The following ANXA8 variants were observed in gnomAD, a reference collection of about 807,000 sequenced individuals.
ANXA8 encodes annexin A8.
A neutral mutation model predicts 26.8 loss-of-function variants in ANXA8; 9 were observed. That is an observed-to-expected ratio of 0.34 (90% CI 0.20 to 0.59). The LOEUF is 0.59. Ranked by LOEUF, ANXA8 falls within the 20% of genes least tolerant of loss-of-function variation. The pLI is 0.84. For synonymous variants in ANXA8, 39 were observed against 94.8 expected, an observed-to-expected ratio of 0.41 and a Z score of 3.42; for missense variants, 83 against 238.5, an observed-to-expected ratio of 0.35 and a Z score of 4.29.
At chr10:47,552,629 C>G in the ANXA8 span, among the ~76,000 whole-genome samples, 1 of 151,918 alleles carries the variant, frequency 6.6e-6, no homozygotes, top group African/African-American at 2.4e-5. Flanking sequence ...TTACAGAGAC[C>G]CTTCCAGTGA....
At chr10:47,559,084 C>T in the ANXA8 span, among the ~76,000 whole-genome samples, 3 of 149,950 alleles carry the variant, frequency 2.0e-5, no homozygotes, top group Non-Finnish European at 4.4e-5. Context: ...TCACATTCTC[C>T]AGTTGTGCTA....
At chr10:47,957,670 T>G in the ANXA8 span, among the ~76,000 whole-genome samples, 2 of 148,984 alleles carry the variant, frequency 1.3e-5, no homozygotes, top group African/African-American at 5.1e-5. Context: ...AAGTCAGAAG[T>G]CCGAAATCAC....
At chr10:47,772,653 T>C in the ANXA8 span, among the ~76,000 whole-genome samples, 1 of 151,844 alleles carries the variant, frequency 6.6e-6, no homozygotes, top group Non-Finnish European at 1.5e-5. Context: ...CAACTAGAAA[T>C]CGGTCAACCC....
At chr10:47,576,833 T>A in the ANXA8 span, among the ~76,000 whole-genome samples, 1 of 149,392 alleles carries the variant, frequency 6.7e-6, no homozygotes, top group Non-Finnish European at 1.5e-5. Flanking sequence ...GAGATTTTTT[T>A]AAGAAATAGT....
the ANXA8 span, among the ~76,000 whole-genome samples, chr10:47,744,604 A>G: frequency 6.6e-6 from 1 of 151,768 alleles, no homozygotes; most frequent in Non-Finnish European, 1.5e-5. Flanking sequence ...AAATAATTCC[A>G]TACTAAATAT....
chr10:47,944,579 T>C, the ANXA8 span, among the ~76,000 whole-genome samples: 1 of 150,656 alleles, frequency 6.6e-6, no homozygotes, highest in Non-Finnish European at 1.5e-5. Context: ...GGTAATTGTA[T>C]CATGGGGGCA....
At chr10:47,590,065 A>G in the ANXA8 span, 1 of 145,974 alleles carries the variant, frequency 6.9e-6, no homozygotes, top group Non-Finnish European at 1.5e-5. Flanking sequence ...TCATCCTATT[A>G]TTCATTAAGA....
chr10:47,733,219 TTCTCTTTCTTTC>T, the ANXA8 span, among the ~76,000 whole-genome samples: 210 of 68,042 alleles, frequency 3.1e-3, 7 homozygotes, highest in Admixed American at 0.011. Flanking sequence ...CTTTCTTTCT[TTCTCTTTCTTTC>T]TCTCTTTCTT....
the ANXA8 span, among the ~76,000 whole-genome samples, chr10:47,953,990 C>T: frequency 6.6e-6 from 1 of 150,402 alleles, no homozygotes; most frequent in African/African-American, 2.5e-5. Flanking sequence ...GGAGGTTCCC[C>T]AAACAACTGA....
chr10:47,955,354 C>G, the ANXA8 span, among the ~76,000 whole-genome samples: 2 of 150,360 alleles, frequency 1.3e-5, no homozygotes, highest in African/African-American at 4.9e-5. Context: ...CACAACGATG[C>G]TCAATGACAG....
chr10:47,720,530 T>A, the ANXA8 span, among the ~76,000 whole-genome samples: 1 of 146,584 alleles, frequency 6.8e-6, no homozygotes, highest in Non-Finnish European at 1.5e-5. Flanking sequence ...AAACTGCTAA[T>A]CAGCTCAGTG....
the ANXA8 span, among the ~76,000 whole-genome samples, chr10:47,715,229 TGAGGTCA>T: frequency 1.2e-3 from 31 of 25,796 alleles, no homozygotes; most frequent in East Asian, 0.02. Flanking sequence ...GGGCGGATCA[TGAGGTCA>T]GGAGTTCAAG....
chr10:47,581,629 C>T, the ANXA8 span: 50 of 425,330 alleles, frequency 1.2e-4, 4 homozygotes, highest in African/African-American at 2.5e-4. Context: ...TTTTTTGAGA[C>T]GGAGTCTCGC....
upstream of ANXA8, among the ~76,000 whole-genome samples, chr10:47,487,776 T>G (rs1413305417): frequency 1.7e-4 from 24 of 145,124 alleles, no homozygotes; most frequent in East Asian, 8.6e-4. Flanking sequence ...TTTATAGTGT[T>G]TTTTTTTTTG....
chr10:47,902,157 G>T, the ANXA8 span, among the ~76,000 whole-genome samples: 3 of 151,918 alleles, frequency 2.0e-5, no homozygotes, highest in Non-Finnish European at 4.4e-5. Context: ...GTTTACCTAA[G>T]TAAGAGCCTT....
At chr10:47,672,061 C>A in the ANXA8 span, among the ~76,000 whole-genome samples, 650 of 150,676 alleles carry the variant, frequency 4.3e-3, no homozygotes, top group Non-Finnish European at 7.1e-3. Flanking sequence ...CTTCTACAGT[C>A]CTTTCTATTA....
the ANXA8 span, among the ~76,000 whole-genome samples, chr10:47,558,900 G>C: frequency 1.8e-4 from 27 of 151,236 alleles, no homozygotes; most frequent in African/African-American, 6.6e-4. Flanking sequence ...CTTCATTTTG[G>C]ATTAAATATT....
At chr10:47,706,967 T>G in the ANXA8 span, among the ~76,000 whole-genome samples, 1 of 142,452 alleles carries the variant, frequency 7.0e-6, no homozygotes, top group African/African-American at 2.4e-5. Flanking sequence ...GCAATCATAT[T>G]TTCAATTTAT....
the ANXA8 span, among the ~76,000 whole-genome samples, chr10:47,920,068 G>T: frequency 4.0e-4 from 7 of 17,628 alleles, 1 homozygote; most frequent in Admixed American, 1.4e-3. Context: ...CCCTGTGTTT[G>T]GCTCTGGAAT....
Sources: gnomAD v4.1 joint callset for allele counts (sites outside exome capture counted in the v4.1 genomes callset) on GRCh38, gnomAD v4.1.1 for gene constraint, MANE v1.5 for transcripts, NCBI Gene and HGNC (gene_info 2026-07-23, HGNC 2026-07-21) for gene names.